ROBO1: variants seen among roughly 807,000 people sequenced by gnomAD.
ROBO1 encodes roundabout homolog 1.
A neutral mutation model predicts 195.9 loss-of-function variants in ROBO1; 149 were observed. The ratio of observed to expected loss-of-function variants is 0.76; its 90% CI spans 0.67 to 0.87. The LOEUF is 0.87. ROBO1 is among the 40% of genes least tolerant of loss of function. ROBO1 has a pLI of 0.00. For synonymous variants in ROBO1, 816 were observed against 733.2 expected, an observed-to-expected ratio of 1.11 and a Z score of -1.82; for missense variants, 1,933 against 2,068.3, an observed-to-expected ratio of 0.93 and a Z score of 1.27.
chr3:79,305,175 T>A (rs560376982), intron 2 of ROBO1, among the ~76,000 whole-genome samples: 1 of 152,270 alleles, frequency 6.6e-6, no homozygotes, highest in East Asian at 1.9e-4. Flanking sequence ...TGAGATTTAA[T>A]CCTTCCTCTA....
chr3:79,434,820 C>T (rs951817989), intron 2 of ROBO1, among the ~76,000 whole-genome samples: 1 of 152,144 alleles, frequency 6.6e-6, no homozygotes, highest in African/African-American at 2.4e-5. Flanking sequence ...ACCCAAATGT[C>T]CATCAATGAT....
At chr3:78,814,634 G>A (rs1043252864) in intron 4 of ROBO1, among the ~76,000 whole-genome samples, 1 of 151,952 alleles carries the variant, frequency 6.6e-6, no homozygotes, top group Non-Finnish European at 1.5e-5. Flanking sequence ...GCTCATAAAC[G>A]ATGATGTAAA....
At chr3:79,525,319 G>T (rs1041429325) in intron 2 of ROBO1, among the ~76,000 whole-genome samples, 1 of 148,994 alleles carries the variant, frequency 6.7e-6, no homozygotes, top group Non-Finnish European at 1.5e-5. Flanking sequence ...TATGTAAAAT[G>T]GTTCTAATAA....
At chr3:79,215,387 C>G (rs1260365283) in intron 2 of ROBO1, among the ~76,000 whole-genome samples, 1 of 151,986 alleles carries the variant, frequency 6.6e-6, no homozygotes. Context: ...ACACACCCCA[C>G]AGGCAAGCAG....
chr3:79,329,624 A>C (rs563076058), intron 2 of ROBO1, among the ~76,000 whole-genome samples: 1 of 152,340 alleles, frequency 6.6e-6, no homozygotes, highest in East Asian at 1.9e-4. Context: ...GCACTATCAA[A>C]GTGTGGGGTA....
At chr3:79,098,669 T>C (rs2079615811) in intron 3 of ROBO1, among the ~76,000 whole-genome samples, 1 of 151,862 alleles carries the variant, frequency 6.6e-6, no homozygotes, top group African/African-American at 2.4e-5. Flanking sequence ...AAATAGATTA[T>C]ACAGTGTTTC....
intron 2 of ROBO1, among the ~76,000 whole-genome samples, chr3:79,279,129 A>G (rs1458694111): frequency 6.6e-6 from 1 of 151,846 alleles, no homozygotes; most frequent in Non-Finnish European, 1.5e-5. Context: ...AGCCAGGCAT[A>G]GTGGTGGGTG....
At chr3:78,741,519 TA>T (rs894080956) in intron 5 of ROBO1, among the ~76,000 whole-genome samples, 70 of 152,302 alleles carry the variant, frequency 4.6e-4, no homozygotes, top group African/African-American at 1.5e-3. Context: ...ACAAAATAAT[TA>T]TTTTTTCAAT....
At chr3:79,566,703 A>T (rs1156526006) in intron 2 of ROBO1, among the ~76,000 whole-genome samples, 1 of 152,176 alleles carries the variant, frequency 6.6e-6, no homozygotes, top group African/African-American at 2.4e-5. Flanking sequence ...TGATCATTAG[A>T]GAAATGCAAA....
At chr3:78,815,263 A>G (rs2084863958) in intron 4 of ROBO1, among the ~76,000 whole-genome samples, 1 of 152,162 alleles carries the variant, frequency 6.6e-6, no homozygotes, top group African/African-American at 2.4e-5. Flanking sequence ...ATCACTGAGG[A>G]AGGCATGTTG....
At chr3:78,651,633 T>C in intron 19 of ROBO1, 99 bp downstream of exon 19, 1 of 965,672 alleles carries the variant, frequency 1.0e-6, no homozygotes, top group South Asian at 2.2e-5. Flanking sequence ...TTAAAACAAG[T>C]TTTAGAGGAT....
intron 2 of ROBO1, among the ~76,000 whole-genome samples, chr3:79,239,198 A>C (rs930065758): frequency 6.6e-6 from 1 of 152,228 alleles, no homozygotes; most frequent in Non-Finnish European, 1.5e-5. Flanking sequence ...ATAACGGCTA[A>C]GAAAAAGTAT....
At chr3:79,165,457 C>G (rs916742265) in intron 2 of ROBO1, among the ~76,000 whole-genome samples, 1 of 152,174 alleles carries the variant, frequency 6.6e-6, no homozygotes, top group African/African-American at 2.4e-5. Context: ...CTCCAAGAGA[C>G]TTTTCCATTA....
At chr3:78,614,107 C>T (rs1703968840) in intron 28 of ROBO1, among the ~76,000 whole-genome samples, 1 of 152,132 alleles carries the variant, frequency 6.6e-6, no homozygotes, top group Admixed American at 6.5e-5. Flanking sequence ...CTCCTGTGCT[C>T]CCTCGAGAAT....
intron 1 of ROBO1, among the ~76,000 whole-genome samples, chr3:79,745,510 G>A (rs1280965771): frequency 2.0e-5 from 3 of 152,284 alleles, no homozygotes; most frequent in East Asian, 1.9e-4. Context: ...ATACAAAGGC[G>A]ATATGTCATA....
chr3:79,444,210 C>T (rs1189451870), intron 2 of ROBO1, among the ~76,000 whole-genome samples: 1 of 151,838 alleles, frequency 6.6e-6, no homozygotes, highest in Non-Finnish European at 1.5e-5. Context: ...AAATAAATCA[C>T]AAACTGAGAG....
Position 78,668,155 on chromosome 3 carries a change from G to T in ROBO1, c.1778C>A (p.Ser593Tyr). The change falls in exon 13 of 31, where the codon TCT (serine) becomes TAT (tyrosine). Residue 593 changes from serine (S) to tyrosine (Y), a missense_variant. Transcript: ENST00000464233. ...PNLNSGATPTSYIIEAFSHAS... is the reference protein window; with the variant it reads ...PNLNSGATPTYYIIEAFSHAS... ...CTACCTGAAGGCTTCTATAATATAAGATGTTGGAGTTGCTCCTGAATTCAA... is the reference window on the plus strand; with the variant it reads ...CTACCTGAAGGCTTCTATAATATAATATGTTGGAGTTGCTCCTGAATTCAA... The T allele has an allele frequency of 1.2e-6, 2 of 1,613,672 alleles. No homozygotes were observed. Among genetic ancestry groups the T allele is most frequent in the South Asian group, 1.1e-5 (1 of 91,058 alleles).
intron 8 of ROBO1, among the ~76,000 whole-genome samples, chr3:78,708,886 A>C (rs980969609): frequency 6.6e-6 from 1 of 152,236 alleles, no homozygotes; most frequent in Non-Finnish European, 1.5e-5. Context: ...AGAGCCAGCT[A>C]TCCTAACACT....
chr3:79,625,567 A>G (rs1208435050), intron 1 of ROBO1, among the ~76,000 whole-genome samples: 2 of 152,042 alleles, frequency 1.3e-5, no homozygotes, highest in Non-Finnish European at 2.9e-5. Flanking sequence ...CTATCAGAGA[A>G]TACTATAAAT....
Sources: gnomAD v4.1 joint callset for allele counts (sites outside exome capture counted in the v4.1 genomes callset) on GRCh38, gnomAD v4.1.1 for gene constraint, MANE v1.5 for transcripts, NCBI Gene and HGNC (gene_info 2026-07-23, HGNC 2026-07-21) for gene names.